Variants in GRIN2A observed in about 807,000 individuals in gnomAD.
GRIN2A encodes glutamate receptor ionotropic, NMDA 2A.
GRIN2A carries 22 observed loss-of-function variants against 113.4 expected under a neutral mutation model. That is an observed-to-expected ratio of 0.19 (90% CI 0.14 to 0.28). GRIN2A has a LOEUF of 0.28. GRIN2A is among the 10% of genes least tolerant of loss of function. The pLI is 1.00. For synonymous variants in GRIN2A, 827 were observed against 738.4 expected (o/e 1.12, Z -1.94); for missense variants, 1,502 against 1,887.0 (o/e 0.80, Z 3.78).
intron 2 of GRIN2A, among the ~76,000 whole-genome samples, chr16:10,026,918 C>T (rs1051644724): frequency 2.6e-5 from 4 of 152,174 alleles, no homozygotes; most frequent in Non-Finnish European, 5.9e-5. Flanking sequence ...TCTCCTATTC[C>T]ACCTGCCTGT....
At chr16:9,900,172 A>G (rs905701494) in intron 3 of GRIN2A, among the ~76,000 whole-genome samples, 2 of 152,230 alleles carry the variant, frequency 1.3e-5, no homozygotes, top group African/African-American at 4.8e-5. Context: ...ATTTGGGGTC[A>G]AAAGCTTTCT....
At chr16:9,884,229 A>C (rs760562748) in intron 4 of GRIN2A, among the ~76,000 whole-genome samples, 15 of 152,228 alleles carry the variant, frequency 9.9e-5, no homozygotes, top group Non-Finnish European at 2.1e-4. Context: ...AGGTGTATGC[A>C]TAAACACACA....
intron 11 of GRIN2A, among the ~76,000 whole-genome samples, chr16:9,781,899 C>CA (rs924986907): frequency 7.9e-5 from 12 of 151,880 alleles, no homozygotes; most frequent in African/African-American, 2.7e-4. Context: ...ACATTTTATG[C>CA]AAAAAATTAA....
intron 5 of GRIN2A, among the ~76,000 whole-genome samples, chr16:9,843,667 C>T (rs1245121455): frequency 6.6e-6 from 1 of 152,160 alleles, no homozygotes; most frequent in Non-Finnish European, 1.5e-5. Context: ...TTCTGTCAAC[C>T]CAGACCACCA....
intron 2 of GRIN2A, among the ~76,000 whole-genome samples, chr16:9,994,924 A>G (rs1285644587): frequency 6.6e-6 from 1 of 152,214 alleles, no homozygotes; most frequent in Non-Finnish European, 1.5e-5. Flanking sequence ...AAGGGTTAAC[A>G]AGCAAATAAA....
At chr16:10,093,279 T>C (rs2048220196) in intron 2 of GRIN2A, among the ~76,000 whole-genome samples, 1 of 152,000 alleles carries the variant, frequency 6.6e-6, no homozygotes, top group Admixed American at 6.6e-5. Context: ...CCAAAGGAAA[T>C]TGTGTCATTT....
Position 9,938,069 on chromosome 16 carries a change from T to C in GRIN2A, c.897A>G (p.Leu299=). The part of the protein sequence containing the change: ...EARVRDGIGI[L]TTAASSMLEK... ...CCAGCATAGAAGATGCAGCGGTGGT[T>C]AGGATGCCAATGCCGTCCCTCACTC... Residue 299 remains leucine, a synonymous_variant, in exon 3 of 13, where the codon CTA becomes CTG. Coordinates refer to ENST00000330684, the MANE Select transcript of GRIN2A (RefSeq NM_001134407.3). 6.2e-7 allele frequency: 1 copy of C among 1,613,906 alleles called. No homozygotes were observed. The highest frequency in any genetic ancestry group is 8.5e-7 in the Non-Finnish European group (1 of 1,179,882).
chr16:9,812,888 C>A (rs1295241505), intron 10 of GRIN2A, among the ~76,000 whole-genome samples: 1 of 152,268 alleles, frequency 6.6e-6, no homozygotes, highest in East Asian at 1.9e-4. Context: ...AAAGGCTCCA[C>A]AATTGTGAAA....
rs774606054 is a variant in GRIN2A at position 10,180,154 on chromosome 16, C to T, written c.258G>A (p.Val86=). 3.7e-6 allele frequency: 6 copies of T among 1,614,216 alleles called. No individual in the cohort carries two copies. In the East Asian group the frequency reaches 8.9e-5, roughly 24 times the overall value. The stretch of plus-strand genomic sequence containing the variant: ...TGCGTGCCCCGGACATGAGGTCGCA[C>T]ACGTGCGTGATGAGGCTCTTGGGGT... ...RTDPKSLITH[V]CDLMSGARIH... is the part of the protein sequence containing the mutation. The change falls in exon 2 of 13, where the codon GTG becomes GTA. Residue 86 remains valine (V), a synonymous_variant. Coordinates refer to ENST00000330684, the MANE Select transcript of GRIN2A (RefSeq NM_001134407.3). The surrounding 1 kb of genome is among the most constrained non-coding windows in gnomAD (Gnocchi z 7.0).
intron 2 of GRIN2A, among the ~76,000 whole-genome samples, chr16:10,119,208 C>T (rs766060918): frequency 6.6e-6 from 1 of 152,166 alleles, no homozygotes; most frequent in Non-Finnish European, 1.5e-5. Flanking sequence ...CTTTAAAACC[C>T]AGCAGAATTC....
chr16:9,961,702 C>T (rs1160564111), intron 2 of GRIN2A, among the ~76,000 whole-genome samples: 1 of 152,086 alleles, frequency 6.6e-6, no homozygotes, highest in Admixed American at 6.6e-5. Flanking sequence ...GCCATACTGC[C>T]CAAGGTAATT....
chr16:9,781,358 A>G (rs1410059819), intron 11 of GRIN2A, among the ~76,000 whole-genome samples: 1 of 152,132 alleles, frequency 6.6e-6, no homozygotes, highest in Admixed American at 6.5e-5. Flanking sequence ...CTTTAGATGG[A>G]AACAAAACTT....
intron 3 of GRIN2A, among the ~76,000 whole-genome samples, chr16:9,932,674 C>T (rs764543386): frequency 2.0e-5 from 3 of 152,054 alleles, no homozygotes; most frequent in East Asian, 1.9e-4. Context: ...TGAGCCACCA[C>T]GCCCGGCCTA....
rs575898100 is a variant in GRIN2A at position 10,057,386 on chromosome 16, A to G, written c.415-118835T>C. ...TGTTGGTGGCACTTAGGCCCTTCCA[A>G]TATAAATGTTCTGGGGCCTCCACTA... is the stretch of plus-strand genomic sequence containing the variant. On this transcript the variant is annotated intron_variant, in intron 2 of 12. Transcript: ENST00000330684. 3.3e-5 allele frequency among the ~76,000 whole-genome samples: 5 copies of G among 152,318 alleles called. No homozygotes were observed. The East Asian group carries it at 9.6e-4, about 29-fold the overall frequency.
chr16:10,118,576 A>C (rs1391710713), intron 2 of GRIN2A, among the ~76,000 whole-genome samples: 1 of 152,232 alleles, frequency 6.6e-6, no homozygotes, highest in Non-Finnish European at 1.5e-5. Context: ...ATTAGGATAT[A>C]GAAATTGGGC....
chr16:10,158,572 G>A (rs1465015436), intron 2 of GRIN2A, among the ~76,000 whole-genome samples: 1 of 152,152 alleles, frequency 6.6e-6, no homozygotes, highest in Non-Finnish European at 1.5e-5. Context: ...TCCATACAAT[G>A]GAATATTATT....
intron 2 of GRIN2A, among the ~76,000 whole-genome samples, chr16:10,092,459 G>A (rs1014447056): frequency 6.6e-6 from 1 of 152,172 alleles, no homozygotes; most frequent in African/African-American, 2.4e-5. Flanking sequence ...AAAGAGATCA[G>A]GGTGTCTTCA....
At chr16:9,927,183 G>A (rs1410983909) in intron 3 of GRIN2A, among the ~76,000 whole-genome samples, 1 of 152,052 alleles carries the variant, frequency 6.6e-6, no homozygotes, top group African/African-American at 2.4e-5. Flanking sequence ...AAATTTTATT[G>A]AGACTTCATG....
rs750277658 is a variant in GRIN2A at position 9,840,641 on chromosome 16, A to T, written c.1651+6T>A. The T allele has an allele frequency of 1.2e-6, 2 of 1,612,064 alleles. No individual in the cohort carries two copies. The highest frequency in any genetic ancestry group is 1.7e-6 in the Non-Finnish European group (2 of 1,178,252). On this transcript the variant is annotated splice_donor_region_variant and intron_variant, in intron 7 of 12. Coordinates refer to ENST00000330684, the MANE Select transcript of GRIN2A (RefSeq NM_001134407.3). ...GAAAGCAATAGTCACTATGAAATTC[A>T]CACACCTAGAAAAGCAGAAGGTGAG... is the stretch of plus-strand genomic sequence containing the variant.
Sources: gnomAD v4.1 joint callset for allele counts (sites outside exome capture counted in the v4.1 genomes callset) on GRCh38, gnomAD v4.1.1 for gene constraint, Gnocchi (gnomAD v3.1) non-coding constraint, MANE v1.5 for transcripts, NCBI Gene and HGNC (gene_info 2026-07-23, HGNC 2026-07-21) for gene names.